Variants in JAKMIP2 observed in about 807,000 individuals in gnomAD.
JAKMIP2 encodes the protein janus kinase and microtubule-interacting protein 2.
A neutral mutation model predicts 115.0 loss-of-function variants in JAKMIP2; 25 were observed. That is an observed-to-expected ratio of 0.22 (90% CI 0.16 to 0.30). The LOEUF is 0.30. Among genes scored for constraint, JAKMIP2 ranks in the 10% least tolerant of loss-of-function variants. The pLI, the probability that JAKMIP2 is intolerant of heterozygous loss-of-function variation, is 1.00. For synonymous variants in JAKMIP2, 334 were observed against 343.6 expected, an observed-to-expected ratio of 0.97 and a Z score of 0.31; for missense variants, 642 against 957.6, an observed-to-expected ratio of 0.67 and a Z score of 4.35.
At chr5:147,717,621 G>A (rs1753061732) in intron 1 of JAKMIP2, among the ~76,000 whole-genome samples, 1 of 149,784 alleles carries the variant, frequency 6.7e-6, no homozygotes, top group Non-Finnish European at 1.5e-5. Flanking sequence ...GTGAATGGGA[G>A]TTCACTCATG....
chr5:147,756,209 C>T (rs1037140553), intron 1 of JAKMIP2, among the ~76,000 whole-genome samples: 11 of 152,120 alleles, frequency 7.2e-5, no homozygotes, highest in African/African-American at 2.2e-4. Context: ...AGATTCATGT[C>T]GTGACTGAAG....
At chr5:147,614,793 T>C (rs1756491428) in intron 19 of JAKMIP2, among the ~76,000 whole-genome samples, 1 of 152,256 alleles carries the variant, frequency 6.6e-6, no homozygotes, top group African/African-American at 2.4e-5. Flanking sequence ...AACCTCACTC[T>C]GGCTCTGCGT....
intron 1 of JAKMIP2, among the ~76,000 whole-genome samples, chr5:147,726,527 G>C (rs779652035): frequency 6.6e-6 from 1 of 152,320 alleles, no homozygotes; most frequent in East Asian, 1.9e-4. Flanking sequence ...GTAAAGTTTT[G>C]ATTAATGGGA....
chr5:147,668,257 C>T (rs563513792), intron 2 of JAKMIP2, among the ~76,000 whole-genome samples: 3 of 152,294 alleles, frequency 2.0e-5, no homozygotes, highest in East Asian at 3.9e-4. Flanking sequence ...TGTCACTGTG[C>T]CCATGCTGTT....
rs552499186 is a variant in JAKMIP2 at position 147,621,898 on chromosome 5, G to A, written c.2065-1155C>T. The stretch of plus-strand genomic sequence containing the variant: ...TGTTTTTTTTTTGAGACAGAGCTTC[G>A]CTCTTGTTGCCCAGGCTGGAGTGCA... On this transcript the variant is annotated intron_variant, in intron 17 of 21. Transcript: ENST00000616793. 1.3e-4 allele frequency among the ~76,000 whole-genome samples: 20 copies of A among 151,848 alleles called. No individual in the cohort carries two copies. In the East Asian group the frequency reaches 3.3e-3, roughly 25 times the overall value.
At chr5:147,622,028 C>T (rs565786977) in intron 17 of JAKMIP2, among the ~76,000 whole-genome samples, 44 of 152,206 alleles carry the variant, frequency 2.9e-4, no homozygotes, top group East Asian at 1.2e-3. Flanking sequence ...CCACCGCGCC[C>T]GGCTAATTTT....
intron 1 of JAKMIP2, among the ~76,000 whole-genome samples, chr5:147,687,248 T>C (rs1032427113): frequency 1.3e-5 from 2 of 152,230 alleles, no homozygotes; most frequent in African/African-American, 4.8e-5. Flanking sequence ...ATCTTTTTAA[T>C]GCTCTGAGGT....
At chr5:147,608,619 G>A (rs1420529428) in intron 20 of JAKMIP2, among the ~76,000 whole-genome samples, 1 of 152,168 alleles carries the variant, frequency 6.6e-6, no homozygotes, top group Non-Finnish European at 1.5e-5. Context: ...TAGAATAAGA[G>A]CTATGTGGTG....
chr5:147,721,698 C>G (rs1437367508), intron 1 of JAKMIP2, among the ~76,000 whole-genome samples: 4 of 152,166 alleles, frequency 2.6e-5, no homozygotes, highest in African/African-American at 7.2e-5. Flanking sequence ...ATGCCTCTCC[C>G]TGCTTCGGCT....
At chr5:147,758,040 T>C (rs570907986) in intron 1 of JAKMIP2, among the ~76,000 whole-genome samples, 13 of 152,112 alleles carry the variant, frequency 8.5e-5, no homozygotes, top group Non-Finnish European at 1.6e-4. Context: ...AAGGATAAAT[T>C]TGTCTATTAA....
At chr5:147,764,588 A>G (rs947454834) in intron 1 of JAKMIP2, among the ~76,000 whole-genome samples, 2 of 151,960 alleles carry the variant, frequency 1.3e-5, no homozygotes, top group African/African-American at 4.8e-5. Context: ...TCCATAATCT[A>G]TAGAAAGAGC....
Position 147,590,850 on chromosome 5 carries a change from GTC to G in JAKMIP2, c.*855_*856del, listed in dbSNP as rs1755068914. ...TTAGTTTTCAATATGAATGAGATCA[GTC>G]CATTGTTGATAGAGGAATGCAGATG... On this transcript the variant is annotated 3_prime_UTR_variant, in exon 22 of 22. Transcript: ENST00000616793. 6.6e-6 allele frequency: 1 copy of G among 152,182 alleles called. No individual in the cohort carries two copies. The highest frequency in any genetic ancestry group is 1.5e-5 in the Non-Finnish European group (1 of 68,032). The allele number at this position is 152,182 out of a possible 1,614,324, so 9.4% of individuals were successfully genotyped here. A position where few individuals can be genotyped will look rare whatever the true frequency, so the allele number is the denominator to read the frequency against.
intron 3 of JAKMIP2, among the ~76,000 whole-genome samples, chr5:147,656,201 G>A (rs1289951629): frequency 3.3e-5 from 5 of 152,102 alleles, no homozygotes; most frequent in African/African-American, 7.2e-5. Context: ...TGTTCTATTA[G>A]GTACACTTGA....
chr5:147,685,555 C>A (rs923506113), intron 1 of JAKMIP2, among the ~76,000 whole-genome samples: 1 of 152,050 alleles, frequency 6.6e-6, no homozygotes, highest in Non-Finnish European at 1.5e-5. Context: ...CCCAACTGTA[C>A]CAGAAATACT....
chr5:147,594,011 C>T (rs1320204714), intron 21 of JAKMIP2, among the ~76,000 whole-genome samples: 1 of 152,186 alleles, frequency 6.6e-6, no homozygotes. Context: ...ATGTATGCAT[C>T]ATTTCCACCT....
At chr5:147,648,550 T>A in intron 4 of JAKMIP2, 76 bp from the exon 5 acceptor site, 1 of 793,686 alleles carries the variant, frequency 1.3e-6, no homozygotes, top group Admixed American at 1.8e-5. Context: ...TTATTATTCA[T>A]AAAAGTAATA....
chr5:147,676,127 A>G (rs902155739), intron 1 of JAKMIP2, among the ~76,000 whole-genome samples: 4 of 152,104 alleles, frequency 2.6e-5, no homozygotes, highest in East Asian at 3.9e-4. Flanking sequence ...AGGTCAGGAG[A>G]TCAAGACCAT....
At chr5:147,618,391 C>T (rs1756688411) in intron 18 of JAKMIP2, among the ~76,000 whole-genome samples, 1 of 135,690 alleles carries the variant, frequency 7.4e-6, no homozygotes, top group Non-Finnish European at 1.5e-5. Context: ...CTTTTCCTAA[C>T]TGTAGTTCCT....
intron 1 of JAKMIP2, among the ~76,000 whole-genome samples, chr5:147,771,313 A>G (rs1384457356): frequency 6.6e-6 from 1 of 152,076 alleles, no homozygotes; most frequent in East Asian, 1.9e-4. Context: ...TATGAATAAA[A>G]TAAGAATAGA....
Sources: allele counts gnomAD v4.1 joint callset (sites outside exome capture counted in the v4.1 genomes callset), GRCh38; gene constraint gnomAD v4.1.1; transcripts MANE v1.5; gene names NCBI Gene and HGNC (gene_info 2026-07-23, HGNC 2026-07-21).